The following NR6A1 variants were observed in gnomAD, a reference collection of about 807,000 sequenced individuals.
NR6A1 encodes the protein nuclear receptor subfamily 6 group A member 1.
NR6A1 carries 7 observed loss-of-function variants against 59.1 expected under a neutral mutation model. The observed-to-expected ratio is 0.12, with a 90% CI of 0.07 to 0.22. The LOEUF (loss-of-function observed/expected upper bound fraction) is 0.22. NR6A1 is among the 10% of genes least tolerant of loss of function. The probability of loss-of-function intolerance (pLI) is 1.00; values close to 1 mark genes in which losing one functional copy is unlikely to be tolerated. For synonymous variants in NR6A1, 243 were observed against 236.1 expected, an observed-to-expected ratio of 1.03 and a Z score of -0.27; for missense variants, 468 against 611.6, an observed-to-expected ratio of 0.77 and a Z score of 2.48.
At chr9:124,565,874 T>C (rs1834226528) in intron 2 of NR6A1, among the ~76,000 whole-genome samples, 2 of 152,246 alleles carry the variant, frequency 1.3e-5, no homozygotes, top group Non-Finnish European at 2.9e-5. Flanking sequence ...GGTAGGACTG[T>C]TTGTTTACAC....
At chr9:124,566,232 CAAAGAAGGGAAA>C (rs1834236814) in intron 2 of NR6A1, among the ~76,000 whole-genome samples, 3 of 152,090 alleles carry the variant, frequency 2.0e-5, no homozygotes, top group African/African-American at 4.8e-5. Context: ...TTAAAACAGG[CAAAGAAGGGAAA>C]GAGACATACA....
chr9:124,650,649 C>T (rs1385421284), intron 2 of NR6A1, among the ~76,000 whole-genome samples: 2 of 152,216 alleles, frequency 1.3e-5, no homozygotes, highest in South Asian at 2.1e-4. Context: ...CCTATTACCC[C>T]AATTTGATCA....
chr9:124,643,296 T>C (rs1241260848), intron 2 of NR6A1, among the ~76,000 whole-genome samples: 1 of 151,562 alleles, frequency 6.6e-6, no homozygotes, highest in African/African-American at 2.4e-5. Context: ...CCTGTCTCTA[T>C]GAAATATTTT....
At chr9:124,663,765 G>A (rs1201131979) in intron 2 of NR6A1, among the ~76,000 whole-genome samples, 4 of 152,066 alleles carry the variant, frequency 2.6e-5, no homozygotes, top group African/African-American at 7.2e-5. Flanking sequence ...TGTCAACACT[G>A]CACAAATAAC....
chr9:124,731,354 A>T (rs1303521086), intron 2 of NR6A1, among the ~76,000 whole-genome samples: 2 of 150,988 alleles, frequency 1.3e-5, no homozygotes, highest in Non-Finnish European at 2.9e-5. Context: ...TGGGTGACAG[A>T]GCGAAACTCC....
intron 2 of NR6A1, among the ~76,000 whole-genome samples, chr9:124,725,858 T>A (rs192765126): frequency 2.0e-5 from 3 of 152,318 alleles, no homozygotes; most frequent in Non-Finnish European, 1.5e-5. Flanking sequence ...ATAAAAAATG[T>A]TAGACCAAAG....
chr9:124,680,455 T>C lies in NR6A1; in HGVS notation c.142+52853A>G, dbSNP rs146114951. On this transcript the variant is annotated intron_variant, in intron 2 of 9. Transcript: ENST00000487099. ...GGATCAGTGAGACTCAGAAAATACA[T>C]AGTGTTTACAGTATGAACACACACA... 6.8e-3 allele frequency among the ~76,000 whole-genome samples: 1,037 copies of C among 152,206 alleles called. 11 individuals are homozygous for C. The highest frequency in any genetic ancestry group is 0.025 in the South Asian group (121 of 4,818).
chr9:124,750,358 C>A (rs112830462), intron 1 of NR6A1, among the ~76,000 whole-genome samples: 1 of 152,230 alleles, frequency 6.6e-6, no homozygotes, highest in Non-Finnish European at 1.5e-5. Context: ...CTTGTCTCCC[C>A]ATTGGCAAGG....
chr9:124,678,979 G>T (rs936158318), intron 2 of NR6A1, among the ~76,000 whole-genome samples: 6 of 152,106 alleles, frequency 3.9e-5, no homozygotes, highest in African/African-American at 1.4e-4. Flanking sequence ...TACTCAGGAG[G>T]CTGAGGTAGG....
intron 2 of NR6A1, among the ~76,000 whole-genome samples, chr9:124,601,004 G>A (rs1000052289): frequency 2.6e-5 from 4 of 151,254 alleles, no homozygotes; most frequent in African/African-American, 9.7e-5. Flanking sequence ...AAAAAAATGC[G>A]GTGGCTCACG....
At chr9:124,679,406 T>G (rs1838056462) in intron 2 of NR6A1, among the ~76,000 whole-genome samples, 1 of 152,192 alleles carries the variant, frequency 6.6e-6, no homozygotes, top group Non-Finnish European at 1.5e-5. Flanking sequence ...ACTTTTTCTA[T>G]CTGCCTTAAT....
chr9:124,706,228 T>C (rs1263211586), intron 2 of NR6A1, among the ~76,000 whole-genome samples: 1 of 152,214 alleles, frequency 6.6e-6, no homozygotes, highest in Admixed American at 6.5e-5. Flanking sequence ...CCTCCTATTA[T>C]TGCCATATAT....
intron 1 of NR6A1, among the ~76,000 whole-genome samples, chr9:124,745,532 A>C (rs955527058): frequency 3.3e-5 from 5 of 151,880 alleles, no homozygotes; most frequent in African/African-American, 1.2e-4. Flanking sequence ...TTAGCCGGGC[A>C]TGGTGGCGCA....
intron 2 of NR6A1, among the ~76,000 whole-genome samples, chr9:124,632,218 G>A (rs1836466376): frequency 1.3e-5 from 2 of 152,142 alleles, no homozygotes; most frequent in South Asian, 4.1e-4. Context: ...TGGTGTTACT[G>A]TATCTAGGTC....
At chr9:124,545,515 G>T (rs1833571319) in intron 3 of NR6A1, among the ~76,000 whole-genome samples, 1 of 152,208 alleles carries the variant, frequency 6.6e-6, no homozygotes. Flanking sequence ...TGTTGGCTGG[G>T]AGGTCTCTTT....
chr9:124,640,828 A>T (rs1404699373), intron 2 of NR6A1, among the ~76,000 whole-genome samples: 1 of 152,122 alleles, frequency 6.6e-6, no homozygotes, highest in Non-Finnish European at 1.5e-5. Context: ...AGAGTATTTT[A>T]AATAAAAATG....
intron 2 of NR6A1, among the ~76,000 whole-genome samples, chr9:124,648,400 A>T (rs1836999927): frequency 6.6e-6 from 1 of 152,210 alleles, no homozygotes; most frequent in Admixed American, 6.5e-5. Flanking sequence ...ATTTAATAAA[A>T]TTCAATACCA....
At chr9:124,770,605 T>G (rs1588870630) in intron 1 of NR6A1, among the ~76,000 whole-genome samples, 4 of 101,608 alleles carry the variant, frequency 3.9e-5, no homozygotes, top group South Asian at 3.7e-4. Flanking sequence ...CGGACCGCGG[T>G]GGGGACTTCC....
At chr9:124,712,365 T>C (rs1588818082) in intron 2 of NR6A1, among the ~76,000 whole-genome samples, 1 of 152,020 alleles carries the variant, frequency 6.6e-6, no homozygotes, top group South Asian at 2.1e-4. Context: ...TCCCAGCACT[T>C]TGGGAGGCCG....
Sources: gnomAD v4.1 joint callset for allele counts (sites outside exome capture counted in the v4.1 genomes callset) on GRCh38, gnomAD v4.1.1 for gene constraint, MANE v1.5 for transcripts, NCBI Gene and HGNC (gene_info 2026-07-23, HGNC 2026-07-21) for gene names.